PLAG1: variants seen among roughly 807,000 people sequenced by gnomAD.
PLAG1 encodes the protein zinc finger protein PLAG1.
Under a neutral mutation model 35.5 loss-of-function variants are expected in PLAG1, and 7 were observed. That is an observed-to-expected ratio of 0.20 (90% CI 0.11 to 0.37). PLAG1 has a LOEUF of 0.37. Among genes scored for constraint, PLAG1 ranks in the 10% least tolerant of loss-of-function variants. PLAG1 has a pLI of 1.00. For missense variants in PLAG1, 454 were observed against 602.8 expected, an observed-to-expected ratio of 0.75 and a Z score of 2.58; for synonymous variants, 229 against 225.4, an observed-to-expected ratio of 1.02 and a Z score of -0.14.
chr8:56,171,123 A>T lies in PLAG1; in HGVS notation c.-150T>A. The T allele has an allele frequency of 1.0e-6, 1 of 980,890 alleles. No homozygotes were observed. The highest frequency in any genetic ancestry group is 1.2e-6 in the Non-Finnish European group (1 of 825,458). 60.8% of individuals were successfully genotyped at this position (980,890 alleles called of 1,614,324 possible). On this transcript the variant is annotated 5_prime_UTR_variant, in exon 3 of 5. Coordinates refer to ENST00000316981, the MANE Select transcript of PLAG1 (RefSeq NM_002655.3). ...CTGATGGAAAAAGCCTCAGACTTTGATCTTAGCCAGTCCCATTGACTCTTC... is the reference window on the plus strand; with the variant it reads ...CTGATGGAAAAAGCCTCAGACTTTGTTCTTAGCCAGTCCCATTGACTCTTC...
intron 2 of PLAG1, among the ~76,000 whole-genome samples, chr8:56,172,106 G>A (rs937365316): frequency 6.6e-6 from 1 of 152,122 alleles, no homozygotes; most frequent in Non-Finnish European, 1.5e-5. Context: ...AAATCAAACA[G>A]TTAAAATAAC....
chr8:56,187,134 A>C (rs981526792), intron 1 of PLAG1, among the ~76,000 whole-genome samples: 5 of 152,226 alleles, frequency 3.3e-5, no homozygotes, highest in African/African-American at 1.2e-4. Flanking sequence ...TTGAAGCTTC[A>C]GCACCAGGAT....
intron 1 of PLAG1, among the ~76,000 whole-genome samples, chr8:56,191,285 G>C (rs1812175382): frequency 6.6e-6 from 1 of 152,188 alleles, no homozygotes; most frequent in South Asian, 2.1e-4. Flanking sequence ...GGTGGCAGCA[G>C]GGAGTATGTG....
intron 2 of PLAG1, among the ~76,000 whole-genome samples, chr8:56,172,542 T>TAA (rs1811563534): frequency 1.3e-5 from 2 of 152,174 alleles, no homozygotes; most frequent in Non-Finnish European, 2.9e-5. Context: ...TTATGTTATT[T>TAA]TAAGAATATA....
chr8:56,199,488 G>C (rs1156721259), intron 1 of PLAG1, among the ~76,000 whole-genome samples: 2 of 152,214 alleles, frequency 1.3e-5, no homozygotes, highest in Non-Finnish European at 2.9e-5. Flanking sequence ...GGTACTTAGG[G>C]AAGGGGGATG....
intron 2 of PLAG1, among the ~76,000 whole-genome samples, chr8:56,178,401 CT>C (rs1811771096): frequency 6.6e-6 from 1 of 152,128 alleles, no homozygotes; most frequent in Admixed American, 6.5e-5. Context: ...TCCATAACCC[CT>C]AACACTAAAG....
intron 1 of PLAG1, chr8:56,209,520 T>C (rs1479897119): frequency 1.3e-5 from 2 of 152,272 alleles, no homozygotes; most frequent in Non-Finnish European, 2.9e-5. Context: ...AAAGAGAAGC[T>C]GTCCCTTTAA....
intron 2 of PLAG1, among the ~76,000 whole-genome samples, chr8:56,173,707 C>T (rs1811601283): frequency 6.6e-6 from 1 of 152,012 alleles, no homozygotes; most frequent in Non-Finnish European, 1.5e-5. Context: ...CATTTCAAAT[C>T]ACTCTAAGAT....
In PLAG1 at chr8:56,168,198, C is replaced by T; in HGVS notation, c.72G>A (p.Lys24=). 6.2e-7 allele frequency: 1 copy of T among 1,613,884 alleles called. No individual in the cohort carries two copies. Among genetic ancestry groups the T allele is most frequent in the Non-Finnish European group, 8.5e-7 (1 of 1,179,874 alleles). The change falls in exon 4 of 5, where the codon AAG becomes AAA. Residue 24 remains lysine, a synonymous_variant. Transcript: ENST00000316981. The part of the protein sequence containing the change: ...DTQKVPSGKR[K]RGETKPRKNF... ...TTTTTCTTGGTTTGGTTTCACCACGCTTACGTTTCCCTGAAGGGACTTTCT... is the reference window on the plus strand; with the variant it reads ...TTTTTCTTGGTTTGGTTTCACCACGTTTACGTTTCCCTGAAGGGACTTTCT...
intron 1 of PLAG1, among the ~76,000 whole-genome samples, chr8:56,208,361 G>A (rs1457752162): frequency 6.6e-6 from 1 of 151,994 alleles, no homozygotes; most frequent in East Asian, 1.9e-4. Context: ...TTTAACTGTG[G>A]GTGATGAGAT....
In PLAG1 at chr8:56,168,187, G is replaced by A; in HGVS notation, c.83C>T (p.Thr28Ile). 1.9e-6 allele frequency: 3 copies of A among 1,613,810 alleles called. No homozygotes were observed. The highest frequency in any genetic ancestry group is 1.3e-5 in the African/African-American group (1 of 74,988). ...GCAAGGAAAGTTTTTTCTTGGTTTG[G>A]TTTCACCACGCTTACGTTTCCCTGA... Reference protein sequence around the residue: ...VPSGKRKRGETKPRKNFPCQL... With the variant: ...VPSGKRKRGEIKPRKNFPCQL... The change falls in exon 4 of 5, where the codon ACC becomes ATC. Residue 28 changes from threonine to isoleucine, a missense_variant. Thr to Ile is a moderately conservative substitution (Grantham distance 89). This residue lies in a region of PLAG1 where 170 missense variants were observed against 226.3 expected (regional missense o/e 0.75). Coordinates refer to ENST00000316981, the MANE Select transcript of PLAG1 (RefSeq NM_002655.3).
Position 56,178,017 on chromosome 8 carries a change from G to C in PLAG1, c.-217+1392C>G, listed in dbSNP as rs533211735. ...ACCTGGGTAGCACTCAGCCAGCCTG[G>C]ACGTTTAGAACACTTCTGCTTTAAA... is the stretch of plus-strand genomic sequence containing the variant. On this transcript the variant is annotated intron_variant, in intron 2 of 4. Coordinates refer to ENST00000316981, the MANE Select transcript of PLAG1 (RefSeq NM_002655.3). 1.8e-5 allele frequency: 18 copies of C among 982,680 alleles called. 1 individual carries two copies. The East Asian group carries it at 1.3e-3, about 68-fold the overall frequency. The allele number at this position is 982,680 out of a possible 1,614,324, so 60.9% of individuals were successfully genotyped here.
intron 1 of PLAG1, among the ~76,000 whole-genome samples, chr8:56,194,298 G>C (rs1230861831): frequency 7.2e-6 from 1 of 139,730 alleles, no homozygotes; most frequent in East Asian, 2.1e-4. Context: ...GCCTGGGTGA[G>C]AGGGCACAAC....
chr8:56,206,206 G>A (rs1276836520), intron 1 of PLAG1, among the ~76,000 whole-genome samples: 1 of 151,890 alleles, frequency 6.6e-6, no homozygotes, highest in Non-Finnish European at 1.5e-5. Context: ...AGAGGAGGCA[G>A]GGATAGCTAT....
chr8:56,167,342 C>G lies in PLAG1; in HGVS notation c.404G>C (p.Gly135Ala). The G allele has an allele frequency of 2.5e-6, 4 of 1,614,016 alleles. No homozygotes were observed. Among genetic ancestry groups the G allele is most frequent in the Non-Finnish European group, 3.4e-6 (4 of 1,179,984 alleles). ...ATGCAAGGCCAAGTGACGTTTAAAT[C>G]CAAGCTTGGTATTGTAGTTCTTGCC... is the stretch of plus-strand genomic sequence containing the variant. ...ECGKNYNTKL[G>A]FKRHLALHAA... is the part of the protein sequence containing the mutation. The change falls in exon 5 of 5, where the codon GGA (glycine) becomes GCA (alanine). Residue 135 changes from glycine to alanine, a missense_variant. By Grantham distance (60) the Gly-to-Ala change is moderately conservative. Coordinates refer to ENST00000316981, the MANE Select transcript of PLAG1 (RefSeq NM_002655.3). This position sits in a 1 kb window ranked among gnomAD's most constrained non-coding sequence, Gnocchi z 5.9.
At chr8:56,201,784 A>G (rs1424002761) in intron 1 of PLAG1, among the ~76,000 whole-genome samples, 1 of 152,214 alleles carries the variant, frequency 6.6e-6, no homozygotes, top group African/African-American at 2.4e-5. Flanking sequence ...ATGAGATAAT[A>G]TAGGTAAAAG....
At chr8:56,172,065 A>T (rs762540372) in intron 2 of PLAG1, among the ~76,000 whole-genome samples, 3 of 152,240 alleles carry the variant, frequency 2.0e-5, no homozygotes, top group Non-Finnish European at 4.4e-5. Flanking sequence ...AAAGATGAAC[A>T]TTCAGAAATC....
chr8:56,174,630 G>A (rs1318270002), intron 2 of PLAG1, among the ~76,000 whole-genome samples: 1 of 152,166 alleles, frequency 6.6e-6, no homozygotes, highest in African/African-American at 2.4e-5. Context: ...AGGGCCAAGT[G>A]CTTACCAGCA....
At chr8:56,187,367 G>C (rs1812050380) in intron 1 of PLAG1, among the ~76,000 whole-genome samples, 1 of 152,222 alleles carries the variant, frequency 6.6e-6, no homozygotes, top group African/African-American at 2.4e-5. Flanking sequence ...ACCTAAAGCA[G>C]TGCAGGGGAA....
Sources: allele counts gnomAD v4.1 joint callset (sites outside exome capture counted in the v4.1 genomes callset), GRCh38; gene constraint gnomAD v4.1.1; regional missense constraint gnomAD v4.1.1; non-coding constraint Gnocchi (gnomAD v3.1); transcripts MANE v1.5; gene names NCBI Gene and HGNC (gene_info 2026-07-23, HGNC 2026-07-21).